Variants in TANC1 observed in about 807,000 individuals in gnomAD.
TANC1 encodes tetratricopeptide repeat, ankyrin repeat and coiled-coil containing 1.
TANC1 carries 77 observed loss-of-function variants against 149.7 expected under a neutral mutation model. The ratio of observed to expected loss-of-function variants is 0.51; its 90% confidence interval spans 0.43 to 0.62. The LOEUF (loss-of-function observed/expected upper bound fraction) is 0.62. Ranked by LOEUF, TANC1 falls within the 20% of genes least tolerant of loss-of-function variation. TANC1 has a pLI of 0.00. For synonymous variants in TANC1, 854 were observed against 925.0 expected, an observed-to-expected ratio of 0.92 and a Z score of 1.39; for missense variants, 1,985 against 2,321.8, an observed-to-expected ratio of 0.85 and a Z score of 2.98.
In TANC1 at chr2:159,175,329, T is replaced by A; in HGVS notation, c.1735+145T>A. The A allele has an allele frequency of 4.6e-6, 3 of 653,286 alleles. No individual in the cohort carries two copies. The South Asian group carries it at 5.6e-5, about 12-fold the overall frequency. The allele number at this position is 653,286 out of a possible 1,614,324, so 40.5% of individuals were successfully genotyped here. A position where few individuals can be genotyped will look rare whatever the true frequency, so the allele number is the denominator to read the frequency against. ...TGTCGAAGCCTCCGTGCCCATCCACTCCTCTTTCTCAGAACCAGCCCCATG... is the reference window on the plus strand; with the variant it reads ...TGTCGAAGCCTCCGTGCCCATCCACACCTCTTTCTCAGAACCAGCCCCATG... On this transcript the variant is annotated intron_variant, in intron 12 of 26. Transcript: ENST00000263635.
chr2:159,219,737 G>T lies in TANC1; in HGVS notation c.3548G>T (p.Ser1183Ile). 1 of 1,614,248 alleles carries T rather than the reference G, an allele frequency of 6.2e-7. No homozygotes were observed. ...GACAAAGAGGGTCTGTCAGCATTAA[G>T]CTGGGCTTGTCTGAAAGGTCACAGG... ...SLDKEGLSAL[S>I]WACLKGHRAV... The change falls in exon 22 of 27, where the codon AGC becomes ATC. Residue 1183 changes from serine to isoleucine, a missense_variant. Physicochemically the swap from Ser to Ile is moderately radical, Grantham distance 142. Transcript: ENST00000263635.
At position 159,136,002 on chromosome 2, in the gene TANC1, TTGTGTGTGTGTGTGTG is replaced by T. The variant is rs754052800; in HGVS notation, c.260-159_260-144del. Among the ~76,000 whole-genome samples the T allele has an allele frequency of 2.5e-3, 272 of 107,886 alleles. 3 individuals carry two copies. The highest frequency in any genetic ancestry group is 0.024 in the South Asian group (81 of 3,382). 70.8% of individuals were successfully genotyped at this position (107,886 alleles called of 152,430 possible). On this transcript the variant is annotated intron_variant, in intron 4 of 26. Transcript: ENST00000263635. ...ACGTTCCCTCGTCTGTACTGAAATT[TTGTGTGTGTGTGTGTG>T]TGTGTGTGTGTGTGTGTGTGTGTGT...
chr2:159,004,335 T>C, intron 2 of TANC1: 1 of 1,610,792 alleles, frequency 6.2e-7, no homozygotes, highest in South Asian at 1.1e-5. Context: ...GTTTGGTTTT[T>C]GGAAGCTGGC....
At chr2:159,124,555 T>G (rs2049193222) in intron 4 of TANC1, among the ~76,000 whole-genome samples, 1 of 152,274 alleles carries the variant, frequency 6.6e-6, no homozygotes, top group Admixed American at 6.5e-5. Flanking sequence ...TTCCTCCTTG[T>G]GCAAACAACA....
chr2:159,145,821 C>G (rs1172265956), intron 5 of TANC1, among the ~76,000 whole-genome samples: 1 of 152,100 alleles, frequency 6.6e-6, no homozygotes, highest in Non-Finnish European at 1.5e-5. Context: ...TAATGGATTC[C>G]CAGGGCATTC....
At chr2:159,227,707 T>A in intron 24 of TANC1, 112 bp from the exon 25 acceptor site, 1 of 1,173,256 alleles carries the variant, frequency 8.5e-7, no homozygotes, top group Non-Finnish European at 1.2e-6. Context: ...CTTTCAATGT[T>A]CTGTCGTGGG....
At chr2:159,153,885 A>G (rs1357933053) in intron 7 of TANC1, among the ~76,000 whole-genome samples, 1 of 152,154 alleles carries the variant, frequency 6.6e-6, no homozygotes, top group African/African-American at 2.4e-5. Flanking sequence ...CACAGAGTAA[A>G]GTATTCAAGA....
chr2:158,969,093 C>G (rs1016218676), intron 1 of TANC1, among the ~76,000 whole-genome samples: 1 of 152,216 alleles, frequency 6.6e-6, no homozygotes, highest in African/African-American at 2.4e-5. Flanking sequence ...GTGGTGGGAA[C>G]CGGGAACGCT....
chr2:159,169,758 C>T (rs1040943927), intron 9 of TANC1, among the ~76,000 whole-genome samples: 6 of 151,960 alleles, frequency 3.9e-5, no homozygotes, highest in African/African-American at 9.7e-5. Flanking sequence ...TTTGAGAGGC[C>T]GAGGCAGGTG....
At position 159,170,639 on chromosome 2, in the gene TANC1, A is replaced by G. The variant is rs1044903769; in HGVS notation, c.1185A>G (p.Ile395Met). 8 of 1,614,218 alleles carry G rather than the reference A, an allele frequency of 5.0e-6. No homozygotes were observed. The East Asian group carries it at 1.8e-4, about 36-fold the overall frequency. ...GAAGGGATTGGCTCTTTCACCAGAT[A>G]GAAGAAAACTTGAGGAACACAGAAC... ...FVGRDWLFHQ[I>M]EENLRNTELA... Residue 395 changes from isoleucine (I) to methionine (M), a missense_variant, in exon 10 of 27, where the codon ATA becomes ATG. Ile to Met is a conservative substitution (Grantham distance 10, BLOSUM62 1). Around this residue, in one of 3 missense-constraint regions of TANC1, gnomAD observed 557 missense variants for 612.9 expected, o/e 0.91. Transcript: ENST00000263635.
At position 159,194,393 on chromosome 2, in the gene TANC1, G is replaced by A. The variant is rs2057698599; in HGVS notation, c.2879G>A (p.Cys960Tyr). Residue 960 changes from cysteine to tyrosine, a missense_variant, in exon 17 of 27, where the codon TGC becomes TAC. Around this residue, in one of 3 missense-constraint regions of TANC1, gnomAD observed 508 missense variants for 714.2 expected, o/e 0.71. Coordinates refer to ENST00000263635, the MANE Select transcript of TANC1 (RefSeq NM_033394.3). ...ACTCTGCTCCTGGAATTTGGTGCCT[G>A]CCTGGACGGAACGTCAGAGAACGGC... Reference protein sequence around the residue: ...VVTLLLEFGACLDGTSENGMT... With the variant: ...VVTLLLEFGAYLDGTSENGMT... 2 of 1,614,172 alleles carry A rather than the reference G, an allele frequency of 1.2e-6. No homozygotes were observed. The highest frequency in any genetic ancestry group is 8.5e-7 in the Non-Finnish European group (1 of 1,180,064).
At chr2:159,209,546 C>T (rs1384207288) in intron 19 of TANC1, among the ~76,000 whole-genome samples, 1 of 152,164 alleles carries the variant, frequency 6.6e-6, no homozygotes, top group Admixed American at 6.5e-5. Flanking sequence ...GGGCCAGCTT[C>T]CCTGAGGCCC....
Position 159,059,888 on chromosome 2 carries a change from TTGTGTGTG to T in TANC1, c.-15-5973_-15-5966del, listed in dbSNP as rs140659801. On this transcript the variant is annotated intron_variant, in intron 2 of 26. Coordinates refer to ENST00000263635, the MANE Select transcript of TANC1 (RefSeq NM_033394.3). ...CCAGTGTACCATCTAGCAGACCTCTTTGTGTGTGTGTGTGTGTGTGTGTGTGTGTGTGT... is the reference window on the plus strand; with the variant it reads ...CCAGTGTACCATCTAGCAGACCTCTTTGTGTGTGTGTGTGTGTGTGTGTGT... Among the ~76,000 whole-genome samples, 884 of 114,812 alleles carry T rather than the reference TTGTGTGTG, an allele frequency of 7.7e-3. 13 individuals are homozygous for T. Among genetic ancestry groups the T allele is most frequent in the African/African-American group, 0.021 (659 of 31,450 alleles). The allele number at this position is 114,812 out of a possible 152,430, so 75.3% of individuals were successfully genotyped here. A position where few individuals can be genotyped will look rare whatever the true frequency, so the allele number is the denominator to read the frequency against.
chr2:159,117,073 C>G (rs1328368725), intron 4 of TANC1, among the ~76,000 whole-genome samples: 1 of 152,146 alleles, frequency 6.6e-6, no homozygotes. Context: ...TTCACATGAC[C>G]TTCAGTGAAG....
At chr2:159,161,727 CAAAGAGGTGGAGGTATGGTTT>C (rs2054064775) in intron 7 of TANC1, among the ~76,000 whole-genome samples, 1 of 152,082 alleles carries the variant, frequency 6.6e-6, no homozygotes, top group Admixed American at 6.5e-5. Flanking sequence ...TGATTGATTC[CAAAGAGGTGGAGGTATGGTTT>C]AATACTGCTG....
intron 25 of TANC1, chr2:159,228,264 T>TGCCGTCCCC: frequency 2.8e-6 from 1 of 355,790 alleles, no homozygotes; most frequent in Non-Finnish European, 5.1e-6. Flanking sequence ...CTGCTGGCAC[T>TGCCGTCCCC]GCCGTCCCCG....
At chr2:159,194,635 CT>C in intron 17 of TANC1, 142 bp downstream of exon 17, 1 of 737,940 alleles carries the variant, frequency 1.4e-6, no homozygotes, top group Non-Finnish European at 2.3e-6. Flanking sequence ...GGATTGGTCA[CT>C]TTGTAATGTG....
At chr2:159,049,355 G>A (rs887306739) in intron 2 of TANC1, among the ~76,000 whole-genome samples, 2 of 48,776 alleles carry the variant, frequency 4.1e-5, no homozygotes, top group Non-Finnish European at 1.0e-4. Flanking sequence ...ATTTTACAAG[G>A]GTTACATTGG....
intron 19 of TANC1, among the ~76,000 whole-genome samples, chr2:159,205,568 G>A (rs1480446797): frequency 6.6e-6 from 1 of 152,212 alleles, no homozygotes; most frequent in African/African-American, 2.4e-5. Context: ...GCTGCCTACA[G>A]TATCCACTAC....
Sources: allele counts gnomAD v4.1 joint callset (sites outside exome capture counted in the v4.1 genomes callset), GRCh38; gene constraint gnomAD v4.1.1; regional missense constraint gnomAD v4.1.1; transcripts MANE v1.5; gene names NCBI Gene and HGNC (gene_info 2026-07-23, HGNC 2026-07-21).